Variants in FAT3 observed in about 807,000 individuals in gnomAD.
FAT3 encodes protocadherin Fat 3.
A neutral mutation model predicts 310.2 loss-of-function variants in FAT3; 95 were observed. The ratio of observed to expected loss-of-function variants is 0.31; its 90% CI spans 0.26 to 0.36. The LOEUF (loss-of-function observed/expected upper bound fraction) is 0.36. FAT3 is among the 10% of genes least tolerant of loss of function. FAT3 has a pLI of 1.00. For synonymous variants in FAT3, 2,314 were observed against 2,192.9 expected (o/e 1.06, Z -1.54); for missense variants, 5,408 against 5,715.6 (o/e 0.95, Z 1.74).
chr11:92,515,074 G>C (rs906191127), intron 2 of FAT3, among the ~76,000 whole-genome samples: 1 of 152,032 alleles, frequency 6.6e-6, no homozygotes, highest in African/African-American at 2.4e-5. Context: ...CTAATGAATC[G>C]CTTCATTGAT....
At chr11:92,326,237 G>C (rs928199822) in intron 1 of FAT3, among the ~76,000 whole-genome samples, 1 of 152,200 alleles carries the variant, frequency 6.6e-6, no homozygotes, top group Non-Finnish European at 1.5e-5. Context: ...TAAGTGAAAT[G>C]ACATGGGGTT....
At chr11:92,536,124 C>G (rs1954250558) in intron 3 of FAT3, among the ~76,000 whole-genome samples, 1 of 152,046 alleles carries the variant, frequency 6.6e-6, no homozygotes, top group Non-Finnish European at 1.5e-5. Flanking sequence ...TTCTTAGCTT[C>G]TTGACGTTCT....
Position 92,807,357 on chromosome 11 carries a change from T to G in FAT3, c.9247+842T>G, listed in dbSNP as rs974496124. ...TATCATTCTCTGTACCCCAAGAATATGATGCTCAGTATCTTGGGCTCTAAG... is the reference window on the plus strand; with the variant it reads ...TATCATTCTCTGTACCCCAAGAATAGGATGCTCAGTATCTTGGGCTCTAAG... On this transcript the variant is annotated intron_variant, in intron 12 of 27. Coordinates refer to ENST00000525166, the MANE Select transcript of FAT3 (RefSeq NM_001367949.2). 2.0e-5 allele frequency among the ~76,000 whole-genome samples: 3 copies of G among 152,302 alleles called. 1 individual carries two copies. In the South Asian group the frequency reaches 6.2e-4, roughly 32 times the overall value.
At chr11:92,633,294 C>G (rs1020502686) in intron 3 of FAT3, among the ~76,000 whole-genome samples, 1 of 152,054 alleles carries the variant, frequency 6.6e-6, no homozygotes, top group Non-Finnish European at 1.5e-5. Context: ...CCTAGTTTCA[C>G]TTGGGCTCAG....
At chr11:92,523,836 G>A (rs1267096267) in intron 2 of FAT3, among the ~76,000 whole-genome samples, 1 of 152,102 alleles carries the variant, frequency 6.6e-6, no homozygotes, top group African/African-American at 2.4e-5. Flanking sequence ...GTTTTCTCTG[G>A]CTTTTTAGGC....
intron 1 of FAT3, among the ~76,000 whole-genome samples, chr11:92,307,258 A>C (rs537227743): frequency 1.3e-5 from 2 of 150,710 alleles, no homozygotes; most frequent in Admixed American, 1.3e-4. Flanking sequence ...GCCCGTTTAC[A>C]TCCTGGCTCA....
chr11:92,318,407 T>C (rs1245802245), intron 1 of FAT3, among the ~76,000 whole-genome samples: 1 of 152,206 alleles, frequency 6.6e-6, no homozygotes, highest in Non-Finnish European at 1.5e-5. Flanking sequence ...AATGGCAGTA[T>C]GTTTTGAAAA....
chr11:92,757,180 T>C (rs919916329), intron 4 of FAT3, among the ~76,000 whole-genome samples: 6 of 152,114 alleles, frequency 3.9e-5, no homozygotes, highest in African/African-American at 1.4e-4. Context: ...CACCTCGGCC[T>C]CCCAAAGTGC....
chr11:92,489,581 T>C (rs1952540913), intron 2 of FAT3, among the ~76,000 whole-genome samples: 1 of 152,096 alleles, frequency 6.6e-6, no homozygotes, highest in Non-Finnish European at 1.5e-5. Flanking sequence ...GGGTACAAAT[T>C]TTTAAAAAAG....
intron 1 of FAT3, among the ~76,000 whole-genome samples, chr11:92,274,748 T>G (rs186090766): frequency 6.6e-6 from 1 of 152,124 alleles, no homozygotes. Flanking sequence ...ATCTTAATAG[T>G]CTCATTTTAC....
chr11:92,524,893 A>G lies in FAT3; in HGVS notation c.3552A>G (p.Thr1184=). ...DPDSSSNEKL[T]YRITSGNPQN... ...ACTCCAGTTCCAATGAAAAACTGAC[A>G]TACAGGATTACAAGTGGAAATCCTC... Residue 1184 remains threonine, a synonymous_variant, in exon 3 of 28, where the codon ACA becomes ACG. Coordinates refer to ENST00000525166, the MANE Select transcript of FAT3 (RefSeq NM_001367949.2). 6.2e-7 allele frequency: 1 copy of G among 1,613,902 alleles called. No homozygotes were observed. Among genetic ancestry groups the G allele is most frequent in the Non-Finnish European group, 8.5e-7 (1 of 1,179,820 alleles).
chr11:92,541,619 A>G (rs2135412643), intron 3 of FAT3, among the ~76,000 whole-genome samples: 1 of 152,240 alleles, frequency 6.6e-6, no homozygotes, highest in African/African-American at 2.4e-5. Context: ...CCACATTCTC[A>G]AAGTGCTTTG....
chr11:92,441,255 T>C (rs914794645), intron 2 of FAT3, among the ~76,000 whole-genome samples: 6 of 152,216 alleles, frequency 3.9e-5, no homozygotes, highest in Non-Finnish European at 7.3e-5. Context: ...ACTATTTTTA[T>C]TTAGTGTTGG....
chr11:92,321,505 G>C (rs561566235), intron 1 of FAT3, among the ~76,000 whole-genome samples: 1 of 152,184 alleles, frequency 6.6e-6, no homozygotes, highest in East Asian at 1.9e-4. Flanking sequence ...TATTCTGAGA[G>C]GGGTTACAGT....
intron 24 of FAT3, among the ~76,000 whole-genome samples, chr11:92,885,295 C>A (rs1565679333): frequency 6.6e-6 from 1 of 152,278 alleles, no homozygotes. Context: ...GTACCATTAC[C>A]AGGCCATCAT....
At chr11:92,431,817 G>A (rs187453007) in intron 2 of FAT3, among the ~76,000 whole-genome samples, 157 of 152,148 alleles carry the variant, frequency 1.0e-3, no homozygotes, top group Non-Finnish European at 1.8e-3. Context: ...GTAGATATGC[G>A]GAATTATTTC....
chr11:92,847,585 G>A (rs1273288232), intron 19 of FAT3, among the ~76,000 whole-genome samples: 2 of 152,150 alleles, frequency 1.3e-5, no homozygotes, highest in African/African-American at 4.8e-5. Flanking sequence ...TGTGCATGGG[G>A]CTTACTAAAT....
At chr11:92,700,677 C>A (rs1319106600) in intron 4 of FAT3, among the ~76,000 whole-genome samples, 1 of 152,202 alleles carries the variant, frequency 6.6e-6, no homozygotes, top group Non-Finnish European at 1.5e-5. Context: ...TGCCCTCCAG[C>A]AACCTCGTTG....
At chr11:92,650,744 C>T (rs1480546638) in intron 3 of FAT3, among the ~76,000 whole-genome samples, 1 of 152,176 alleles carries the variant, frequency 6.6e-6, no homozygotes, top group Non-Finnish European at 1.5e-5. Context: ...AAGATCACCC[C>T]TTGCTAGTTC....
Sources: gnomAD v4.1 joint callset for allele counts (sites outside exome capture counted in the v4.1 genomes callset) on GRCh38, gnomAD v4.1.1 for gene constraint, MANE v1.5 for transcripts, NCBI Gene and HGNC (gene_info 2026-07-23, HGNC 2026-07-21) for gene names.